The following AGAP1 variants were observed in gnomAD, a reference collection of about 807,000 sequenced individuals.
AGAP1 encodes the protein arf-GAP with GTPase, ANK repeat and PH domain-containing protein 1.
Under a neutral mutation model 105.3 loss-of-function variants are expected in AGAP1, and 29 were observed. That is an observed-to-expected ratio of 0.28 (90% CI 0.21 to 0.38). The LOEUF (loss-of-function observed/expected upper bound fraction) is 0.38, where lower values mean the gene tolerates loss of function less well. Among genes scored for constraint, AGAP1 ranks in the 10% least tolerant of loss-of-function variants. The pLI is 1.00. For missense variants in AGAP1, 998 were observed against 1,165.1 expected (o/e 0.86, Z 2.09); for synonymous variants, 509 against 485.9 (o/e 1.05, Z -0.63).
intron 10 of AGAP1, among the ~76,000 whole-genome samples, chr2:235,884,844 G>A (rs1575692909): frequency 6.8e-6 from 1 of 147,538 alleles, no homozygotes. Context: ...ACTGTGTCAG[G>A]CTAGTAGTAA....
In AGAP1 at chr2:236,003,614, C is replaced by T. The variant is rs149999737; in HGVS notation, c.1646-32947C>T. On this transcript the variant is annotated intron_variant, in intron 13 of 17. Coordinates refer to ENST00000304032, the MANE Select transcript of AGAP1 (RefSeq NM_001037131.3). The surrounding 1 kb of genome is among the most constrained non-coding windows in gnomAD (Gnocchi z 4.2). ...GTCCCACATCCAAGCTCCCTCCACCCCACACTCTCCCTTGGATTTGCGCCT... is the reference window on the plus strand; with the variant it reads ...GTCCCACATCCAAGCTCCCTCCACCTCACACTCTCCCTTGGATTTGCGCCT... 6.4e-4 allele frequency among the ~76,000 whole-genome samples: 98 copies of T among 152,320 alleles called. 1 individual carries two copies. Among genetic ancestry groups the T allele is most frequent in the African/African-American group, 2.3e-3 (96 of 41,578 alleles).
chr2:235,614,335 G>C lies in AGAP1; in HGVS notation c.164-94844G>C, dbSNP rs936339836. ...GGGATCCGGAAAGGGCTGCTGGCGA[G>C]TGGGAGTTTTCTAGGGAGCCGCTGC... On this transcript the variant is annotated intron_variant, in intron 1 of 17. Transcript: ENST00000304032. The surrounding 1 kb of genome is among the most constrained non-coding windows in gnomAD (Gnocchi z 4.7). 6.6e-6 allele frequency among the ~76,000 whole-genome samples: 1 copy of C among 152,154 alleles called. No individual in the cohort carries two copies. The highest frequency in any genetic ancestry group is 1.5e-5 in the Non-Finnish European group (1 of 68,026).
chr2:236,099,311 T>C (rs565927840), intron 16 of AGAP1, among the ~76,000 whole-genome samples: 69 of 151,772 alleles, frequency 4.5e-4, no homozygotes, highest in South Asian at 1.0e-3. Context: ...AAAAATTAGC[T>C]GGGCGTGGTG....
Position 235,615,841 on chromosome 2 carries a change from C to T in AGAP1, c.164-93338C>T, listed in dbSNP as rs1200820194. ...CTTTGACAGCATCTGAACAACAGAA[C>T]ACCTTCTGAACAGCACAAACACTTG... is the stretch of plus-strand genomic sequence containing the variant. On this transcript the variant is annotated intron_variant, in intron 1 of 17. Coordinates refer to ENST00000304032, the MANE Select transcript of AGAP1 (RefSeq NM_001037131.3). This position sits in a 1 kb window ranked among gnomAD's most constrained non-coding sequence, Gnocchi z 5.0. Among the ~76,000 whole-genome samples the T allele has an allele frequency of 6.6e-6, 1 of 152,102 alleles. No homozygotes were observed. The highest frequency in any genetic ancestry group is 1.5e-5 in the Non-Finnish European group (1 of 68,024).
rs1944015847 is a variant in AGAP1 at position 235,557,685 on chromosome 2, G to A, written c.163+62836G>A. On this transcript the variant is annotated intron_variant, in intron 1 of 17. Coordinates refer to ENST00000304032, the MANE Select transcript of AGAP1 (RefSeq NM_001037131.3). The surrounding 1 kb of genome is among the most constrained non-coding windows in gnomAD (Gnocchi z 4.7). The stretch of plus-strand genomic sequence containing the variant: ...GGAAACTGAGGCACAGAGGGTCGAG[G>A]AACTTGCTGTGGTACACCCAGACAG... Among the ~76,000 whole-genome samples, 1 of 152,120 alleles carries A rather than the reference G, an allele frequency of 6.6e-6. No individual in the cohort carries two copies. The highest frequency in any genetic ancestry group is 1.5e-5 in the Non-Finnish European group (1 of 68,020).
At chr2:235,876,547 G>A (rs893973185) in intron 9 of AGAP1, among the ~76,000 whole-genome samples, 3 of 152,088 alleles carry the variant, frequency 2.0e-5, no homozygotes, top group Non-Finnish European at 2.9e-5. Flanking sequence ...TGCCTGCCTG[G>A]GGCACCAGCC....
intron 6 of AGAP1, among the ~76,000 whole-genome samples, chr2:235,766,157 G>GTAA (rs1463065320): frequency 2.0e-5 from 3 of 152,154 alleles, no homozygotes; most frequent in Non-Finnish European, 4.4e-5. Flanking sequence ...AGTTATAATT[G>GTAA]TTTTTAGTAA....
chr2:235,585,079 T>G (rs535762843), intron 1 of AGAP1, among the ~76,000 whole-genome samples: 119 of 152,198 alleles, frequency 7.8e-4, no homozygotes, highest in Non-Finnish European at 1.4e-3. Flanking sequence ...GGCCTTTTTC[T>G]TTAGCTCTGG....
rs1156589795 is a variant in AGAP1, at chr2:235,884,681, T to C, written c.1155+1232T>C. ...GTTGGCCAGGCTGGTCTTGAACTCC[T>C]GACCTCAAGAAATCCGCCTGCCTCG... On this transcript the variant is annotated intron_variant, in intron 10 of 17. Transcript: ENST00000304032. Among the ~76,000 whole-genome samples the C allele has an allele frequency of 2.6e-5, 4 of 152,292 alleles. No homozygotes were observed. In the East Asian group the frequency reaches 7.7e-4, roughly 29 times the overall value.
rs1194018318 is a variant in AGAP1, at chr2:235,728,385, A to T, written c.310+10741A>T. ...TACAGCTGCCAATAATCTGCAAAAG[A>T]TGACAGTTTCATATGATTCCAATGG... is the stretch of plus-strand genomic sequence containing the variant. On this transcript the variant is annotated intron_variant, in intron 3 of 17. Coordinates refer to ENST00000304032, the MANE Select transcript of AGAP1 (RefSeq NM_001037131.3). This position sits in a 1 kb window ranked among gnomAD's most constrained non-coding sequence, Gnocchi z 4.3. Among the ~76,000 whole-genome samples, 1 of 152,084 alleles carries T rather than the reference A, an allele frequency of 6.6e-6. No homozygotes were observed. Among genetic ancestry groups the T allele is most frequent in the Non-Finnish European group, 1.5e-5 (1 of 68,042 alleles).
rs1961044039 is a variant in AGAP1 at position 235,843,027 on chromosome 2, C to T, written c.1050+35696C>T. Among the ~76,000 whole-genome samples the T allele has an allele frequency of 1.3e-5, 2 of 152,282 alleles. No homozygotes were observed. The highest frequency in any genetic ancestry group is 1.9e-4 in the East Asian group (1 of 5,176). ...CAGGCGTTAGCTGCCGTGCCCGGCC[C>T]GTGTGAGATTTGATGTGAAGTTGAG... On this transcript the variant is annotated intron_variant, in intron 9 of 17. Transcript: ENST00000304032. The surrounding 1 kb of genome is among the most constrained non-coding windows in gnomAD (Gnocchi z 5.9).
intron 1 of AGAP1, among the ~76,000 whole-genome samples, chr2:235,667,990 CTTTA>C (rs1187344693): frequency 9.6e-6 from 1 of 104,050 alleles, no homozygotes; most frequent in Non-Finnish European, 2.2e-5. Flanking sequence ...AAAAAGTCTT[CTTTA>C]TTGAAACTCA....
At chr2:235,844,012 A>G (rs1288950815) in intron 9 of AGAP1, among the ~76,000 whole-genome samples, 3 of 152,116 alleles carry the variant, frequency 2.0e-5, no homozygotes, top group African/African-American at 7.2e-5. Flanking sequence ...CCCTCTTGGA[A>G]TCTGGCAGGA....
chr2:235,783,299 C>G (rs1325233078), intron 6 of AGAP1: 2 of 468,070 alleles, frequency 4.3e-6, no homozygotes, highest in Non-Finnish European at 8.8e-6. Context: ...TTACCTATAG[C>G]TAACATTTAC....
In AGAP1 at chr2:235,973,801, G is replaced by A. The variant is rs1357201158; in HGVS notation, c.1645+5178G>A. 6.6e-6 allele frequency among the ~76,000 whole-genome samples: 1 copy of A among 152,272 alleles called. No individual in the cohort carries two copies. Among genetic ancestry groups the A allele is most frequent in the African/African-American group, 2.4e-5 (1 of 41,554 alleles). ...CCGACCCTGCATGGGGTCGGCATGG[G>A]TTGGACCAGGGCAGAGGAACCTGGG... On this transcript the variant is annotated intron_variant, in intron 13 of 17. Coordinates refer to ENST00000304032, the MANE Select transcript of AGAP1 (RefSeq NM_001037131.3). The surrounding 1 kb of genome is among the most constrained non-coding windows in gnomAD (Gnocchi z 4.7).
chr2:235,498,398 G>A (rs1559202546), intron 1 of AGAP1, among the ~76,000 whole-genome samples: 2 of 151,926 alleles, frequency 1.3e-5, no homozygotes, highest in Admixed American at 6.5e-5. Context: ...TGTCCTATGG[G>A]GCATGGCATG....
At chr2:235,521,736 A>ATG (rs368849182) in intron 1 of AGAP1, among the ~76,000 whole-genome samples, 76,007 of 143,216 alleles carry the variant, frequency 0.53, 21,295 homozygotes, top group Admixed American at 0.64. Context: ...TTTGTTTGTT[A>ATG]TATATATGTG....
At chr2:236,094,274 A>T (rs1264058878) in intron 16 of AGAP1, among the ~76,000 whole-genome samples, 1 of 151,734 alleles carries the variant, frequency 6.6e-6, no homozygotes, top group African/African-American at 2.4e-5. Context: ...GGGCAACATA[A>T]TGAGACTCTA....
At chr2:235,637,363 C>T (rs1400612702) in intron 1 of AGAP1, among the ~76,000 whole-genome samples, 2 of 152,114 alleles carry the variant, frequency 1.3e-5, no homozygotes, top group Non-Finnish European at 2.9e-5. Context: ...GCCTCGACCT[C>T]CTGGGTTCAA....
Sources: gnomAD v4.1 joint callset for allele counts (sites outside exome capture counted in the v4.1 genomes callset) on GRCh38, gnomAD v4.1.1 for gene constraint, Gnocchi (gnomAD v3.1) non-coding constraint, MANE v1.5 for transcripts, NCBI Gene and HGNC (gene_info 2026-07-23, HGNC 2026-07-21) for gene names.